The following PHF3 variants were observed in gnomAD, a reference collection of about 807,000 sequenced individuals.
PHF3 encodes the protein PHD finger protein 3.
PHF3 carries 41 observed loss-of-function variants against 178.4 expected under a neutral mutation model. The observed-to-expected ratio is 0.23, with a 90% confidence interval of 0.18 to 0.30. The LOEUF is 0.30. Ranked by LOEUF, PHF3 falls within the 10% of genes least tolerant of loss-of-function variation. PHF3 has a pLI of 1.00. For missense variants in PHF3, 2,346 were observed against 2,398.1 expected (o/e 0.98, Z 0.45); for synonymous variants, 842 against 800.5 (o/e 1.05, Z -0.88).
rs1035261746 is a variant in PHF3, at chr6:63,702,503, G to T, written c.3100-5G>T. ...TAATATTTTTAAAAAAGTATTTTCT[G>T]TTAGACCATAGAAATGATTGAGAAA... On this transcript the variant is annotated splice_polypyrimidine_tract_variant and splice_region_variant and intron_variant, in intron 9 of 15. Transcript: ENST00000262043. 8 of 1,587,846 alleles carry T rather than the reference G, an allele frequency of 5.0e-6. No individual in the cohort carries two copies. Among genetic ancestry groups the T allele is most frequent in the Admixed American group, 3.4e-5 (2 of 58,512 alleles).
chr6:63,712,049 G>A lies in PHF3; in HGVS notation c.4461G>A (p.Val1487=), dbSNP rs947481226. The change falls in exon 16 of 16, where the codon GTG becomes GTA. Residue 1487 remains valine, a synonymous_variant. Transcript: ENST00000262043. ...TGQVYDQAQS[V]MEQNTVKEIP... is the part of the protein sequence containing the mutation. ...AAGTATATGACCAGGCCCAGTCAGT[G>A]ATGGAACAAAACACTGTTAAAGAAA... The A allele has an allele frequency of 2.4e-5, 39 of 1,613,612 alleles. No individual in the cohort carries two copies. The highest frequency in any genetic ancestry group is 3.2e-5 in the Non-Finnish European group (38 of 1,179,968).
At chr6:63,672,884 C>A (rs1319039666) in intron 2 of PHF3, among the ~76,000 whole-genome samples, 1 of 152,148 alleles carries the variant, frequency 6.6e-6, no homozygotes, top group Non-Finnish European at 1.5e-5. Flanking sequence ...GTAACCAATC[C>A]AGCTGTTTCT....
At chr6:63,637,506 G>T (rs1486637733) in intron 1 of PHF3, among the ~76,000 whole-genome samples, 3 of 152,178 alleles carry the variant, frequency 2.0e-5, no homozygotes, top group African/African-American at 7.2e-5. Flanking sequence ...GCACAAAAAG[G>T]TGTTGTGTAA....
intron 10 of PHF3, 84 bp from the exon 11 acceptor site, chr6:63,703,452 T>A: frequency 7.1e-7 from 1 of 1,401,922 alleles, no homozygotes. Flanking sequence ...TTTAGGAAAA[T>A]ATAAATGGAA....
chr6:63,685,476 T>C lies in PHF3; in HGVS notation c.1754T>C (p.Leu585Ser), dbSNP rs765801805. The change falls in exon 4 of 16, where the codon TTA becomes TCA. Residue 585 changes from leucine (L) to serine (S), a missense_variant. Around this residue, in one of 8 missense-constraint regions of PHF3, gnomAD observed 843 missense variants for 795.2 expected, o/e 1.06. Transcript: ENST00000262043. ...AAAAAAACATTACAGGATCAAACTT[T>C]AGTACAAATTTTCAAGCCCTTAACT... Reference protein sequence around the residue: ...VLKKTLQDQTLVQIFKPLTHS... With the variant: ...VLKKTLQDQTSVQIFKPLTHS... 6 of 1,614,060 alleles carry C rather than the reference T, an allele frequency of 3.7e-6. No individual in the cohort carries two copies. Among genetic ancestry groups the C allele is most frequent in the Admixed American group, 1.7e-5 (1 of 60,014 alleles).
At chr6:63,673,681 G>A (rs998492001) in intron 2 of PHF3, among the ~76,000 whole-genome samples, 1 of 152,128 alleles carries the variant, frequency 6.6e-6, no homozygotes, top group Non-Finnish European at 1.5e-5. Flanking sequence ...AATCAAGGGG[G>A]CAGGGTACCC....
At chr6:63,654,066 T>G (rs1295126660) in intron 2 of PHF3, among the ~76,000 whole-genome samples, 3 of 152,222 alleles carry the variant, frequency 2.0e-5, no homozygotes, top group African/African-American at 7.2e-5. Context: ...TCAGGGATAT[T>G]GGCCTCTAAT....
chr6:63,646,361 T>C (rs1330403774), intron 1 of PHF3, among the ~76,000 whole-genome samples, 166 bp from the exon 2 acceptor site: 2 of 152,158 alleles, frequency 1.3e-5, no homozygotes, highest in African/African-American at 4.8e-5. Context: ...TCGTTCTACA[T>C]TTCCAAATGT....
chr6:63,644,650 A>G (rs1180533031), intron 1 of PHF3, among the ~76,000 whole-genome samples: 1 of 152,172 alleles, frequency 6.6e-6, no homozygotes, highest in Non-Finnish European at 1.5e-5. Context: ...AAAAAAAATG[A>G]GAAGAGATAC....
At chr6:63,644,594 G>A (rs1347613603) in intron 1 of PHF3, among the ~76,000 whole-genome samples, 1 of 151,946 alleles carries the variant, frequency 6.6e-6, no homozygotes, top group Non-Finnish European at 1.5e-5. Context: ...AAAGTAGTTA[G>A]CATTTTCTTT....
chr6:63,700,340 A>C lies in PHF3; in HGVS notation c.2983-10A>C. 2 of 1,323,624 alleles carry C rather than the reference A, an allele frequency of 1.5e-6. No individual in the cohort carries two copies. Among genetic ancestry groups the C allele is most frequent in the Non-Finnish European group, 2.1e-6 (2 of 933,330 alleles). The allele number at this position is 1,323,624 out of a possible 1,614,324, so 82.0% of individuals were successfully genotyped here. A position where few individuals can be genotyped will look rare whatever the true frequency, so the allele number is the denominator to read the frequency against. ...TCTCCCCTTCTATTCCTATTTTAAA[A>C]TCCTTCCAGATATTATTTAAAAAAG... On this transcript the variant is annotated splice_polypyrimidine_tract_variant and intron_variant, in intron 8 of 15. Transcript: ENST00000262043.
chr6:63,698,244 T>A lies in PHF3; in HGVS notation c.2702T>A (p.Met901Lys). The change falls in exon 7 of 16, where the codon ATG becomes AAG. Residue 901 changes from methionine (M) to lysine (K), a missense_variant. Transcript: ENST00000262043. ...TTAGGTACTCATGAGAAGCAAGAGA[T>A]GAAAAAGAAGAAAGTTGAAAAAGGA... ...SKPGTHEKQE[M>K]KKKKVEKGVL... 2 of 1,611,454 alleles carry A rather than the reference T, an allele frequency of 1.2e-6. No individual in the cohort carries two copies. Among genetic ancestry groups the A allele is most frequent in the Non-Finnish European group, 1.7e-6 (2 of 1,178,396 alleles).
intron 13 of PHF3, 99 bp from the exon 14 acceptor site, chr6:63,709,052 G>T: frequency 1.7e-6 from 1 of 594,744 alleles, no homozygotes; most frequent in Non-Finnish European, 2.8e-6. Flanking sequence ...TTTTATTACT[G>T]TTTCAAATTA....
rs777987645 is a variant in PHF3, at chr6:63,723,764, T to C, written c.*10056T>C. 6.7e-6 allele frequency among the ~76,000 whole-genome samples: 1 copy of C among 150,284 alleles called. No homozygotes were observed. The highest frequency in any genetic ancestry group is 2.1e-4 in the South Asian group (1 of 4,784). On this transcript the variant is annotated 3_prime_UTR_variant, in exon 16 of 16. Transcript: ENST00000262043. ...ATTGCGTTAGGATATGATGCTCTAGTTATGGGTCATAAGTACACATTGGCA... is the reference window on the plus strand; with the variant it reads ...ATTGCGTTAGGATATGATGCTCTAGCTATGGGTCATAAGTACACATTGGCA...
Position 63,719,376 on chromosome 6 carries a change from C to A in PHF3, c.*5668C>A, listed in dbSNP as rs1204494455. 6.6e-6 allele frequency among the ~76,000 whole-genome samples: 1 copy of A among 151,894 alleles called. No individual in the cohort carries two copies. Among genetic ancestry groups the A allele is most frequent in the Non-Finnish European group, 1.5e-5 (1 of 67,926 alleles). On this transcript the variant is annotated 3_prime_UTR_variant, in exon 16 of 16. Transcript: ENST00000262043. ...CTTGATGATTAATTTCATATTTTTC[C>A]TTTTGAACATTACATGCTGCTTATT...
chr6:63,678,724 A>C (rs528678140), intron 2 of PHF3: 51 of 405,736 alleles, frequency 1.3e-4, no homozygotes, highest in Non-Finnish European at 1.8e-4. Context: ...TGATCAAAGC[A>C]TATGAGCAGT....
At chr6:63,667,977 G>C (rs1053860631) in intron 2 of PHF3, among the ~76,000 whole-genome samples, 1 of 152,170 alleles carries the variant, frequency 6.6e-6, no homozygotes, top group Non-Finnish European at 1.5e-5. Flanking sequence ...CTAAATACTT[G>C]AGATGGCAAG....
chr6:63,667,420 C>T (rs966165161), intron 2 of PHF3, among the ~76,000 whole-genome samples: 1 of 152,170 alleles, frequency 6.6e-6, no homozygotes. Flanking sequence ...CAATATTCAA[C>T]AGCTGTTAAT....
intron 3 of PHF3, among the ~76,000 whole-genome samples, chr6:63,683,429 A>G (rs547477542): frequency 1.3e-5 from 2 of 152,144 alleles, no homozygotes; most frequent in South Asian, 2.1e-4. Context: ...TTAATGGACT[A>G]TTAGGAGCAT....
Sources: gnomAD v4.1 joint callset for allele counts (sites outside exome capture counted in the v4.1 genomes callset) on GRCh38, gnomAD v4.1.1 for gene constraint, gnomAD v4.1.1 regional missense constraint, MANE v1.5 for transcripts, NCBI Gene and HGNC (gene_info 2026-07-23, HGNC 2026-07-21) for gene names.